UBQLN4: variants seen among roughly 807,000 people sequenced by gnomAD.
UBQLN4 encodes ubiquilin 4, also known as ubiquilin-4.
In UBQLN4, 11 loss-of-function variants were observed where a neutral mutation model predicts 60.4. The ratio of observed to expected loss-of-function variants is 0.18; its 90% confidence interval spans 0.11 to 0.30. UBQLN4 has a LOEUF of 0.30. Ranked by LOEUF, UBQLN4 falls within the 10% of genes least tolerant of loss-of-function variation. UBQLN4 has a pLI of 1.00. For missense variants in UBQLN4, 417 were observed against 795.5 expected (o/e 0.52, Z 5.72); for synonymous variants, 258 against 313.1 (o/e 0.82, Z 1.86).
chr1:156,051,551 A>C (rs975181376), intron 2 of UBQLN4, among the ~76,000 whole-genome samples, 155 bp downstream of exon 2: 5 of 152,150 alleles, frequency 3.3e-5, no homozygotes, highest in Non-Finnish European at 5.9e-5. Context: ...ATGGTAAATC[A>C]GGTTCCCTTC....
At chr1:156,031,733 C>A (rs1558082140), downstream of UBQLN4, among the ~76,000 whole-genome samples, 1 of 152,058 alleles carries the variant, frequency 6.6e-6, no homozygotes, top group Non-Finnish European at 1.5e-5. Context: ...CGCATGCCAC[C>A]AGGCCTGGCT....
Position 156,050,150 on chromosome 1 carries a change from G to A in UBQLN4, c.741+141C>T. On this transcript the variant is annotated intron_variant, in intron 4 of 10. Transcript: ENST00000368309. This position sits in a 1 kb window ranked among gnomAD's most constrained non-coding sequence, Gnocchi z 4.6. ...CTGGAATTCCTGAAAAGCTAGGCCT[G>A]TCTTTTCATCCCTGTACCTCCAGTG... is the stretch of plus-strand genomic sequence containing the variant. 8.4e-7 allele frequency: 1 copy of A among 1,183,514 alleles called. No homozygotes were observed. The highest frequency in any genetic ancestry group is 1.6e-5 in the African/African-American group (1 of 64,078). 73.3% of individuals were successfully genotyped at this position (1,183,514 alleles called of 1,614,324 possible). A position where few individuals can be genotyped will look rare whatever the true frequency, so the allele number is the denominator to read the frequency against.
Position 156,048,546 on chromosome 1 carries a change from C to T in UBQLN4, c.855G>A (p.Met285Ile). Residue 285 changes from methionine to isoleucine, a missense_variant, in exon 5 of 11, where the codon ATG becomes ATA. Coordinates refer to ENST00000368309, the MANE Select transcript of UBQLN4 (RefSeq NM_020131.5). This position sits in a 1 kb window ranked among gnomAD's most constrained non-coding sequence, Gnocchi z 4.9. ...ACATGGGCTCCTGGATGTCCGTGTACATGCGGCGGAGGGCATTATACCCTC... is the reference window on the plus strand; with the variant it reads ...ACATGGGCTCCTGGATGTCCGTGTATATGCGGCGGAGGGCATTATACCCTC... ...IPGGYNALRR[M>I]YTDIQEPMFS... is the part of the protein sequence containing the mutation. The T allele has an allele frequency of 6.2e-7, 1 of 1,613,240 alleles. No individual in the cohort carries two copies. The highest frequency in any genetic ancestry group is 8.5e-7 in the Non-Finnish European group (1 of 1,179,278).
At chr1:156,038,480 C>T (rs1315115803) in intron 10 of UBQLN4, among the ~76,000 whole-genome samples, 4 of 151,616 alleles carry the variant, frequency 2.6e-5, no homozygotes, top group Admixed American at 6.6e-5. Flanking sequence ...GCCAACATGG[C>T]GATACCCCGA....
downstream of UBQLN4, chr1:156,033,300 A>G (rs1683326160): frequency 1.0e-6 from 1 of 985,258 alleles, no homozygotes. Flanking sequence ...AGAAGAGCAG[A>G]GTGTAATCCT....
In UBQLN4 at chr1:156,036,918, A is replaced by G; in HGVS notation, c.*60T>C. 6.3e-7 allele frequency: 1 copy of G among 1,584,928 alleles called. No individual in the cohort carries two copies. The highest frequency in any genetic ancestry group is 8.6e-7 in the Non-Finnish European group (1 of 1,166,196). ...GACAAGCTGCAGAGGGTAAGGATTG[A>G]CAGAAGAACCGAATGCTGACATCGA... On this transcript the variant is annotated 3_prime_UTR_variant, in exon 11 of 11. Coordinates refer to ENST00000368309, the MANE Select transcript of UBQLN4 (RefSeq NM_020131.5).
chr1:156,034,871 A>ATATATATATATATATAT (rs60215858), downstream of UBQLN4, among the ~76,000 whole-genome samples: 25 of 70,044 alleles, frequency 3.6e-4, no homozygotes, highest in Non-Finnish European at 5.7e-4. Flanking sequence ...ATATATATAT[A>ATATATATATATATATAT]ATTTTTTTTT....
At chr1:156,051,399 G>C in intron 2 of UBQLN4, 72 bp from the exon 3 acceptor site, 1 of 1,508,490 alleles carries the variant, frequency 6.6e-7, no homozygotes, top group Non-Finnish European at 9.0e-7. Context: ...CAATCTCTGT[G>C]CTTGCTATGG....
chr1:156,048,597 G>A lies in UBQLN4; in HGVS notation c.804C>T (p.Ala268=). The stretch of plus-strand genomic sequence containing the variant: ...CAGGGATGCTCTCAAGGTTGCTCAG[G>A]GCCCGGTCCTGGTTCCGCATCATCT... ...MQEMMRNQDR[A]LSNLESIPGG... is the part of the protein sequence containing the mutation. Residue 268 remains alanine (A), a synonymous_variant, in exon 5 of 11, where the codon GCC becomes GCT. Coordinates refer to ENST00000368309, the MANE Select transcript of UBQLN4 (RefSeq NM_020131.5). The surrounding 1 kb of genome is among the most constrained non-coding windows in gnomAD (Gnocchi z 4.9). 6.2e-7 allele frequency: 1 copy of A among 1,614,070 alleles called. No homozygotes were observed. Among genetic ancestry groups the A allele is most frequent in the Non-Finnish European group, 8.5e-7 (1 of 1,179,946 alleles).
rs772582187 is a variant in UBQLN4, at chr1:156,048,699, G to C, written c.742-40C>G. 1 of 1,597,730 alleles carries C rather than the reference G, an allele frequency of 6.3e-7. No homozygotes were observed. Among genetic ancestry groups the C allele is most frequent in the East Asian group, 2.2e-5 (1 of 44,520 alleles). ...GAGACAAAATGGGCCCCGGAACCAG[G>C]GGAGCACCAACCTAGGAAAAGGGTG... On this transcript the variant is annotated intron_variant, in intron 4 of 10. Coordinates refer to ENST00000368309, the MANE Select transcript of UBQLN4 (RefSeq NM_020131.5). The surrounding 1 kb of genome is among the most constrained non-coding windows in gnomAD (Gnocchi z 4.9).
In UBQLN4 at chr1:156,041,862, CT is replaced by C; in HGVS notation, c.1466+9del. 6.2e-7 allele frequency: 1 copy of C among 1,605,562 alleles called. No homozygotes were observed. On this transcript the variant is annotated intron_variant, in intron 9 of 10. Transcript: ENST00000368309. The stretch of plus-strand genomic sequence containing the variant: ...AGAACCTTGCTGCCCTCCTGCCCCC[CT>C]ACCCTCACCTGGGTACCAGCCCAGG...
intron 6 of UBQLN4, 108 bp from the exon 7 acceptor site, chr1:156,043,021 A>C: frequency 2.0e-5 from 29 of 1,433,008 alleles, no homozygotes; most frequent in Non-Finnish European, 2.5e-5. Context: ...TACAAAACTC[A>C]GAAAAGCAAT....
chr1:156,038,261 C>T (rs890708589), intron 10 of UBQLN4, among the ~76,000 whole-genome samples: 19 of 152,026 alleles, frequency 1.2e-4, no homozygotes, highest in Non-Finnish European at 2.9e-5. Context: ...CCTGTAGTCC[C>T]AACTACTTGG....
chr1:156,049,837 C>G (rs1683817816), intron 4 of UBQLN4, among the ~76,000 whole-genome samples: 1 of 152,252 alleles, frequency 6.6e-6, no homozygotes, highest in Admixed American at 6.5e-5. Flanking sequence ...CCATTCCCAA[C>G]TGGGCCCTGC....
chr1:156,034,482 G>A (rs1377586779), downstream of UBQLN4, among the ~76,000 whole-genome samples: 9 of 151,614 alleles, frequency 5.9e-5, no homozygotes, highest in East Asian at 1.7e-3. Context: ...ATTTTTAGTA[G>A]AGACAGGGTT....
In UBQLN4 at chr1:156,051,693, C is replaced by T; in HGVS notation, c.260+13G>A. Reference sequence around the variant, plus strand: ...CCAATCAGAAGCTGGATCTGCTCTGCTCCTGAACTTACTTCTGAGGGGTCT... The same window carrying T: ...CCAATCAGAAGCTGGATCTGCTCTGTTCCTGAACTTACTTCTGAGGGGTCT... On this transcript the variant is annotated intron_variant, in intron 2 of 10. Transcript: ENST00000368309. 3.1e-6 allele frequency: 5 copies of T among 1,612,742 alleles called. No individual in the cohort carries two copies. The highest frequency in any genetic ancestry group is 4.2e-6 in the Non-Finnish European group (5 of 1,179,904).
At chr1:156,034,733 C>A (rs1006021540), downstream of UBQLN4, among the ~76,000 whole-genome samples, 3 of 148,098 alleles carry the variant, frequency 2.0e-5, no homozygotes, top group African/African-American at 7.5e-5. Context: ...CTCAGATACC[C>A]AATGGTCTGA....
At chr1:156,040,675 ATCT>A (rs1045904876) in intron 10 of UBQLN4, among the ~76,000 whole-genome samples, 8 of 151,484 alleles carry the variant, frequency 5.3e-5, no homozygotes, top group Middle Eastern at 6.8e-3. Flanking sequence ...GATGGTCTCG[ATCT>A]TCTGACCTCG....
At chr1:156,039,990 G>A (rs190705731) in intron 10 of UBQLN4, among the ~76,000 whole-genome samples, 1 of 144,918 alleles carries the variant, frequency 6.9e-6, no homozygotes, top group African/African-American at 2.6e-5. Flanking sequence ...AGTCCAGCAA[G>A]CACCGTCCAC....
Sources: gnomAD v4.1 joint callset for allele counts (sites outside exome capture counted in the v4.1 genomes callset) on GRCh38, gnomAD v4.1.1 for gene constraint, Gnocchi (gnomAD v3.1) non-coding constraint, MANE v1.5 for transcripts, NCBI Gene and HGNC (gene_info 2026-07-23, HGNC 2026-07-21) for gene names.